The following IDE variants were observed in gnomAD, a reference collection of about 807,000 sequenced individuals.
IDE encodes insulin degrading enzyme.
Under a neutral mutation model 133.2 loss-of-function variants are expected in IDE, and 58 were observed. The observed-to-expected ratio is 0.44, with a 90% CI of 0.35 to 0.54. The LOEUF (loss-of-function observed/expected upper bound fraction) is 0.54. Among genes scored for constraint, IDE ranks in the 20% least tolerant of loss-of-function variants. IDE has a pLI of 0.00. For synonymous variants in IDE, 396 were observed against 421.3 expected (o/e 0.94, Z 0.73); for missense variants, 981 against 1,234.0 (o/e 0.79, Z 3.07).
chr10:92,452,983 T>G lies in IDE; in HGVS notation c.*1461A>C, dbSNP rs548709893. 2 of 152,218 alleles carry G rather than the reference T, an allele frequency of 1.3e-5. No individual in the cohort carries two copies. The highest frequency in any genetic ancestry group is 4.8e-5 in the African/African-American group (2 of 41,444). 9.4% of individuals were successfully genotyped at this position (152,218 alleles called of 1,614,324 possible). The stretch of plus-strand genomic sequence containing the variant: ...AAGCAGCCCCATAGTTGTGACTATA[T>G]CGTTCTTGCCCAAAATTGAGATTTG... On this transcript the variant is annotated 3_prime_UTR_variant, in exon 25 of 25. Coordinates refer to ENST00000265986, the MANE Select transcript of IDE (RefSeq NM_004969.4).
rs760053435 is a variant in IDE at position 92,468,906 on chromosome 10, G to A, written c.2293C>T (p.Arg765Trp). The change falls in exon 19 of 25, where the codon CGG becomes TGG. Residue 765 changes from arginine to tryptophan, a missense_variant. By Grantham distance (101) the Arg-to-Trp change is moderately radical. Transcript: ENST00000265986. ...TKPLLPSQLV[R>W]YREVQLPDRG... ...TCAGGGAGCTGAACTTCTCTATACC[G>A]AACCAGCTGACTTGGAAGGAGAGGT... 1.2e-6 allele frequency: 2 copies of A among 1,609,104 alleles called. No individual in the cohort carries two copies. Among genetic ancestry groups the A allele is most frequent in the East Asian group, 2.2e-5 (1 of 44,832 alleles).
At chr10:92,496,492 A>T (rs1199662853) in intron 11 of IDE, among the ~76,000 whole-genome samples, 11 of 152,320 alleles carry the variant, frequency 7.2e-5, no homozygotes, top group Admixed American at 6.5e-4. Context: ...CCAAGTATGA[A>T]ACCACCTCTC....
intron 17 of IDE, among the ~76,000 whole-genome samples, chr10:92,471,595 TCCA>T (rs1024734983): frequency 6.6e-6 from 1 of 152,146 alleles, no homozygotes; most frequent in Non-Finnish European, 1.5e-5. Context: ...TCTGCAGCTT[TCCA>T]CCACAATACT....
intron 1 of IDE, among the ~76,000 whole-genome samples, chr10:92,561,970 C>A (rs1202759044): frequency 1.3e-5 from 2 of 152,068 alleles, no homozygotes; most frequent in Admixed American, 6.6e-5. Flanking sequence ...GAACGGATCA[C>A]AAATATAATG....
intron 1 of IDE, among the ~76,000 whole-genome samples, chr10:92,561,796 A>C (rs1843297211): frequency 6.6e-6 from 1 of 151,876 alleles, no homozygotes; most frequent in South Asian, 2.1e-4. Context: ...ATGATGTGAT[A>C]ATCTTCGTAA....
Position 92,557,365 on chromosome 10 carries a change from T to A in IDE, c.98+16557A>T, listed in dbSNP as rs374524356. 1.3e-3 allele frequency among the ~76,000 whole-genome samples: 203 copies of A among 151,720 alleles called. No homozygotes were observed. The Middle Eastern group carries it at 0.014, about 10-fold the overall frequency. Reference sequence around the variant, plus strand: ...ACCTGGATAACATGGTGCAACCCCATCTCTACTAAAAATACAAAAAATTAG... The same window carrying A: ...ACCTGGATAACATGGTGCAACCCCAACTCTACTAAAAATACAAAAAATTAG... On this transcript the variant is annotated intron_variant, in intron 1 of 24. Transcript: ENST00000265986.
chr10:92,538,419 C>T (rs140987892), intron 1 of IDE, among the ~76,000 whole-genome samples: 6 of 152,242 alleles, frequency 3.9e-5, no homozygotes, highest in Admixed American at 2.6e-4. Flanking sequence ...AATAAGAGAC[C>T]GGTGCTGTCC....
chr10:92,506,199 A>C (rs1485660813), intron 10 of IDE, among the ~76,000 whole-genome samples: 1 of 152,236 alleles, frequency 6.6e-6, no homozygotes, highest in South Asian at 2.1e-4. Context: ...TAGAACTGAA[A>C]TATATTTAAA....
At position 92,574,065 on chromosome 10, in the gene IDE, G is replaced by A; in HGVS notation, c.-46C>T. On this transcript the variant is annotated 5_prime_UTR_variant, in exon 1 of 25. Coordinates refer to ENST00000265986, the MANE Select transcript of IDE (RefSeq NM_004969.4). ...ATCACCGCAAACGCTTCCTGCTTGC[G>A]CTTCGAGCCGGCCCTGCGCACTGCG... The A allele has an allele frequency of 7.0e-7, 1 of 1,437,278 alleles. No individual in the cohort carries two copies. The highest frequency in any genetic ancestry group is 9.3e-7 in the Non-Finnish European group (1 of 1,075,440). The allele number at this position is 1,437,278 out of a possible 1,614,324, so 89.0% of individuals were successfully genotyped here. A position where few individuals can be genotyped will look rare whatever the true frequency, so the allele number is the denominator to read the frequency against.
At chr10:92,507,697 T>C in intron 8 of IDE, 31 bp from the exon 9 acceptor site, 1 of 1,169,678 alleles carries the variant, frequency 8.5e-7, no homozygotes. Flanking sequence ...TAAAAACCAT[T>C]CAGTCCTTGA....
intron 22 of IDE, among the ~76,000 whole-genome samples, chr10:92,456,820 G>C (rs1330912272): frequency 1.5e-4 from 18 of 116,166 alleles, no homozygotes; most frequent in African/African-American, 5.1e-4. Flanking sequence ...ACTCCAGCCT[G>C]GGTGACAGAG....
chr10:92,473,256 G>C (rs1268235570), intron 17 of IDE, among the ~76,000 whole-genome samples: 1 of 151,994 alleles, frequency 6.6e-6, no homozygotes, highest in Non-Finnish European at 1.5e-5. Flanking sequence ...GCATTTTAAT[G>C]CTTATGGCTG....
chr10:92,466,271 G>A (rs1277599227), intron 19 of IDE, among the ~76,000 whole-genome samples: 1 of 149,056 alleles, frequency 6.7e-6, no homozygotes, highest in Non-Finnish European at 1.5e-5. Context: ...AGAGGAACGT[G>A]GCCTGTAAGC....
intron 1 of IDE, 35 bp downstream of exon 1, chr10:92,573,887 G>C: frequency 2.9e-6 from 4 of 1,389,728 alleles, no homozygotes; most frequent in South Asian, 1.5e-5. Flanking sequence ...TGTGACCCAC[G>C]GGGCCCGAGG....
At chr10:92,473,168 G>A (rs1246398452) in intron 17 of IDE, among the ~76,000 whole-genome samples, 1 of 151,838 alleles carries the variant, frequency 6.6e-6, no homozygotes, top group Non-Finnish European at 1.5e-5. Context: ...CTGACCTCGT[G>A]ATCCGCCTGC....
Position 92,510,032 on chromosome 10 carries a change from C to T in IDE, c.897+18G>A. The stretch of plus-strand genomic sequence containing the variant: ...TCCATAAATTAAGAAGACAAAATAC[C>T]AAAATTTATGCACTTACTTTAAGAT... On this transcript the variant is annotated intron_variant, in intron 6 of 24. Coordinates refer to ENST00000265986, the MANE Select transcript of IDE (RefSeq NM_004969.4). 2.3e-6 allele frequency: 3 copies of T among 1,322,456 alleles called. No individual in the cohort carries two copies. Among genetic ancestry groups the T allele is most frequent in the Non-Finnish European group, 3.2e-6 (3 of 927,950 alleles). 81.9% of individuals were successfully genotyped at this position (1,322,456 alleles called of 1,614,324 possible). A position where few individuals can be genotyped will look rare whatever the true frequency, so the allele number is the denominator to read the frequency against.
intron 17 of IDE, among the ~76,000 whole-genome samples, chr10:92,471,281 C>G (rs1005287833): frequency 2.6e-5 from 4 of 152,136 alleles, no homozygotes; most frequent in Non-Finnish European, 5.9e-5. Flanking sequence ...CATGCAAGAT[C>G]TACCAATGGA....
intron 11 of IDE, among the ~76,000 whole-genome samples, chr10:92,494,798 G>T (rs1847589704): frequency 6.6e-6 from 1 of 152,144 alleles, no homozygotes. Context: ...AGGCAATATG[G>T]TTCCCAAAGA....
At chr10:92,541,497 G>A (rs182348833) in intron 1 of IDE, 5 of 236,474 alleles carry the variant, frequency 2.1e-5, no homozygotes, top group Admixed American at 5.5e-5. Flanking sequence ...TTTAGATGAC[G>A]AGCTAGTGTT....
Sources: allele counts gnomAD v4.1 joint callset (sites outside exome capture counted in the v4.1 genomes callset), GRCh38; gene constraint gnomAD v4.1.1; transcripts MANE v1.5; gene names NCBI Gene and HGNC (gene_info 2026-07-23, HGNC 2026-07-21).